The following MACROD2 variants were observed in gnomAD, a reference collection of about 807,000 sequenced individuals.
MACROD2 encodes the protein ADP-ribose glycohydrolase MACROD2.
Under a neutral mutation model 70.4 loss-of-function variants are expected in MACROD2, and 36 were observed. The observed-to-expected ratio is 0.51, with a 90% CI of 0.39 to 0.68. The LOEUF (loss-of-function observed/expected upper bound fraction) is 0.68. Ranked by LOEUF, MACROD2 falls within the 30% of genes least tolerant of loss-of-function variation. The probability of loss-of-function intolerance (pLI) is 0.00; values close to 1 mark genes in which losing one functional copy is unlikely to be tolerated. For synonymous variants in MACROD2, 172 were observed against 178.8 expected, an observed-to-expected ratio of 0.96 and a Z score of 0.30; for missense variants, 496 against 538.4, an observed-to-expected ratio of 0.92 and a Z score of 0.78.
chr20:15,957,469 C>T (rs1241000461), intron 12 of MACROD2, among the ~76,000 whole-genome samples: 2 of 152,128 alleles, frequency 1.3e-5, no homozygotes, highest in South Asian at 2.1e-4. Context: ...TAGGTTGGAG[C>T]ATAAACATAC....
intron 9 of MACROD2, among the ~76,000 whole-genome samples, chr20:15,863,105 A>G (rs1178040333): frequency 1.3e-5 from 2 of 151,962 alleles, no homozygotes; most frequent in South Asian, 2.1e-4. Context: ...AAAGATTTCT[A>G]AAGATGCTTC....
chr20:15,021,927 A>G (rs2075189955), intron 5 of MACROD2, among the ~76,000 whole-genome samples: 1 of 152,112 alleles, frequency 6.6e-6, no homozygotes, highest in East Asian at 1.9e-4. Context: ...GAAACTGAGA[A>G]AGAGGGGAGA....
intron 6 of MACROD2, among the ~76,000 whole-genome samples, chr20:15,260,949 A>G (rs1214070077): frequency 6.6e-6 from 1 of 152,024 alleles, no homozygotes; most frequent in African/African-American, 2.4e-5. Context: ...GCCAGTAGGT[A>G]ATAAACTATG....
At chr20:15,174,703 G>T (rs1187201155) in intron 5 of MACROD2, among the ~76,000 whole-genome samples, 2 of 152,180 alleles carry the variant, frequency 1.3e-5, no homozygotes, top group South Asian at 4.1e-4. Context: ...ATTCTAACTG[G>T]TGTGAGATGG....
intron 5 of MACROD2, among the ~76,000 whole-genome samples, chr20:14,712,370 T>C (rs1053273798): frequency 6.6e-6 from 1 of 152,190 alleles, no homozygotes; most frequent in Non-Finnish European, 1.5e-5. Context: ...CAGTGCTCAC[T>C]TGTCTTCATG....
chr20:15,117,135 G>A (rs768308875), intron 5 of MACROD2, among the ~76,000 whole-genome samples: 3 of 152,098 alleles, frequency 2.0e-5, no homozygotes, highest in Non-Finnish European at 4.4e-5. Flanking sequence ...TTAAAGTTGG[G>A]AACAAGTTTG....
chr20:14,797,380 G>A (rs554894539), intron 5 of MACROD2, among the ~76,000 whole-genome samples: 2 of 151,976 alleles, frequency 1.3e-5, no homozygotes, highest in South Asian at 4.2e-4. Context: ...GCATGATCTG[G>A]CTCCTGCAGT....
At chr20:14,868,534 T>G (rs1232842223) in intron 5 of MACROD2, among the ~76,000 whole-genome samples, 3 of 152,090 alleles carry the variant, frequency 2.0e-5, no homozygotes, top group Non-Finnish European at 4.4e-5. Flanking sequence ...TCCTTGTTAT[T>G]TTATTAAGCA....
chr20:15,380,620 A>G (rs537842053), intron 6 of MACROD2, among the ~76,000 whole-genome samples: 2 of 152,318 alleles, frequency 1.3e-5, no homozygotes, highest in African/African-American at 4.8e-5. Flanking sequence ...CTACATACAC[A>G]GTGATGTATT....
intron 5 of MACROD2, among the ~76,000 whole-genome samples, chr20:14,826,467 A>G (rs1259542537): frequency 1.3e-5 from 2 of 152,058 alleles, no homozygotes; most frequent in Non-Finnish European, 2.9e-5. Context: ...TGTTGCTTGC[A>G]GTAATTCTTT....
At chr20:15,475,916 G>C (rs144854890) in intron 7 of MACROD2, among the ~76,000 whole-genome samples, 25 of 152,254 alleles carry the variant, frequency 1.6e-4, no homozygotes, top group African/African-American at 6.0e-4. Flanking sequence ...AAAATCATTT[G>C]AGGAGAAGAA....
chr20:16,023,935 TGGA>T (rs2067040572), intron 15 of MACROD2, among the ~76,000 whole-genome samples: 1 of 152,020 alleles, frequency 6.6e-6, no homozygotes, highest in South Asian at 2.1e-4. Flanking sequence ...GTGCTTTTGG[TGGA>T]GAAGTAGAAA....
intron 3 of MACROD2, among the ~76,000 whole-genome samples, chr20:14,109,839 A>G (rs2054423781): frequency 6.6e-6 from 1 of 151,798 alleles, no homozygotes; most frequent in Admixed American, 6.6e-5. Context: ...ATGAATACCA[A>G]TCCTACTCAA....
chr20:15,511,547 C>T (rs1372241538), intron 8 of MACROD2, among the ~76,000 whole-genome samples: 3 of 152,158 alleles, frequency 2.0e-5, no homozygotes, highest in Non-Finnish European at 4.4e-5. Flanking sequence ...AACATAAGGC[C>T]TTTCTAATGA....
At chr20:16,045,057 G>A (rs1157116076) in intron 17 of MACROD2, among the ~76,000 whole-genome samples, 1 of 152,114 alleles carries the variant, frequency 6.6e-6, no homozygotes, top group Non-Finnish European at 1.5e-5. Context: ...CCTGGAGTTT[G>A]TATAAAGGAA....
intron 3 of MACROD2, among the ~76,000 whole-genome samples, chr20:14,155,053 A>G (rs1366138211): frequency 6.6e-6 from 1 of 152,222 alleles, no homozygotes. Context: ...TTCGTAGTTG[A>G]AATCTCTGTT....
At position 15,881,041 on chromosome 20, in the gene MACROD2, G is replaced by A. The variant is rs557721137; in HGVS notation, c.728-4723G>A. ...CTGTTACCTTCTTCTCTGTTGTTTTGCTTTTCTATATCGTCCACTTTGTGA... is the reference window on the plus strand; with the variant it reads ...CTGTTACCTTCTTCTCTGTTGTTTTACTTTTCTATATCGTCCACTTTGTGA... On this transcript the variant is annotated intron_variant, in intron 9 of 17. Coordinates refer to ENST00000684519, the MANE Select transcript of MACROD2 (RefSeq NM_001351661.2). Among the ~76,000 whole-genome samples, 161 of 151,988 alleles carry A rather than the reference G, an allele frequency of 1.1e-3. 3 individuals carry two copies. The South Asian group carries it at 0.031, about 30-fold the overall frequency.
At chr20:16,045,888 A>G (rs960672856) in intron 17 of MACROD2, among the ~76,000 whole-genome samples, 9 of 152,170 alleles carry the variant, frequency 5.9e-5, no homozygotes, top group Admixed American at 5.9e-4. Flanking sequence ...TGAGTGGTCT[A>G]TAATCCTCTT....
rs77032585 is a variant in MACROD2, at chr20:14,507,436, A to T, written c.301+13928A>T. On this transcript the variant is annotated intron_variant, in intron 4 of 17. Coordinates refer to ENST00000684519, the MANE Select transcript of MACROD2 (RefSeq NM_001351661.2). ...AACGAATACAAGGTTTCTGTTTGGG[A>T]AGAAGAAGAATTTCTGGAGATGCAG... Among the ~76,000 whole-genome samples, 261 of 152,286 alleles carry T rather than the reference A, an allele frequency of 1.7e-3. 1 individual carries two copies. Among genetic ancestry groups the T allele is most frequent in the African/African-American group, 6.0e-3 (249 of 41,568 alleles).
Sources: allele counts gnomAD v4.1 joint callset (sites outside exome capture counted in the v4.1 genomes callset), GRCh38; gene constraint gnomAD v4.1.1; transcripts MANE v1.5; gene names NCBI Gene and HGNC (gene_info 2026-07-23, HGNC 2026-07-21).